Variants in SLC25A47 observed in about 807,000 individuals in gnomAD.
SLC25A47 encodes the protein solute carrier family 25 member 47, also known as HCC-down-regulated mitochondrial carrier protein.
A neutral mutation model predicts 29.8 loss-of-function variants in SLC25A47; 30 were observed. That is an observed-to-expected ratio of 1.01 (90% CI 0.75 to 1.36). The LOEUF is 1.36. Ranked by LOEUF, SLC25A47 falls within the 40% of genes most tolerant of loss-of-function variation. The pLI, the probability that SLC25A47 is intolerant of heterozygous loss-of-function variation, is 0.00. For synonymous variants in SLC25A47, 204 were observed against 197.8 expected, an observed-to-expected ratio of 1.03 and a Z score of -0.26; for missense variants, 430 against 441.9, an observed-to-expected ratio of 0.97 and a Z score of 0.24.
chr14:100,326,338 C>G (rs1400708924), intron 3 of SLC25A47, 110 bp downstream of exon 3: 2 of 944,594 alleles, frequency 2.1e-6, no homozygotes, highest in Non-Finnish European at 3.3e-6. Context: ...GCTCTCTCAC[C>G]TTCCACATGG....
At chr14:100,327,508 GAGA>G in intron 4 of SLC25A47, 138 bp downstream of exon 4, 1 of 1,017,720 alleles carries the variant, frequency 9.8e-7, no homozygotes. Flanking sequence ...GGGGCTGTGG[GAGA>G]AGAACTCGCA....
In SLC25A47 at chr14:100,323,401, G is replaced by A. The variant is rs369679310; in HGVS notation, c.-14G>A. ...AGGCAGGCAGACCCAGGGCCTCCCCGCCACACCTTGTTCATGGATTTTGTC... is the reference window on the plus strand; with the variant it reads ...AGGCAGGCAGACCCAGGGCCTCCCCACCACACCTTGTTCATGGATTTTGTC... On this transcript the variant is annotated 5_prime_UTR_variant, in exon 1 of 6. Transcript: ENST00000361529. 10 of 1,613,416 alleles carry A rather than the reference G, an allele frequency of 6.2e-6. No individual in the cohort carries two copies. Among genetic ancestry groups the A allele is most frequent in the South Asian group, 1.1e-5 (1 of 91,076 alleles).
intron 1 of SLC25A47, 27 bp downstream of exon 1, chr14:100,323,469 A>G: frequency 6.2e-7 from 1 of 1,613,176 alleles, no homozygotes; most frequent in Non-Finnish European, 8.5e-7. Context: ...TGGGCTGTGC[A>G]GACACTGCTG....
At position 100,329,782 on chromosome 14, in the gene SLC25A47, GT is replaced by G; in HGVS notation, c.*139del. 1 of 1,221,810 alleles carries G rather than the reference GT, an allele frequency of 8.2e-7. No homozygotes were observed. The highest frequency in any genetic ancestry group is 1.1e-6 in the Non-Finnish European group (1 of 888,846). 75.7% of individuals were successfully genotyped at this position (1,221,810 alleles called of 1,614,324 possible). On this transcript the variant is annotated 3_prime_UTR_variant, in exon 6 of 6. Coordinates refer to ENST00000361529, the MANE Select transcript of SLC25A47 (RefSeq NM_207117.4). ...GGAGAATGAGGAGCCTCCCTGCAGT[GT>G]TGTCGGCCGAGGCCTGAGCTCGCCC... is the stretch of plus-strand genomic sequence containing the variant.
Position 100,325,917 on chromosome 14 carries a change from C to A in SLC25A47, c.72+86C>A, listed in dbSNP as rs1893331597. On this transcript the variant is annotated intron_variant, in intron 2 of 5. Transcript: ENST00000361529. Reference sequence around the variant, plus strand: ...GACTTTTCTAGAATGCTAAACAGACCCACCCCTTTCCTACCCAAATGCCTT... The same window carrying A: ...GACTTTTCTAGAATGCTAAACAGACACACCCCTTTCCTACCCAAATGCCTT... The A allele has an allele frequency of 9.8e-6, 14 of 1,425,296 alleles. No individual in the cohort carries two copies. The South Asian group carries it at 1.5e-4, about 16-fold the overall frequency. The allele number at this position is 1,425,296 out of a possible 1,614,324, so 88.3% of individuals were successfully genotyped here.
At chr14:100,324,205 C>G (rs1044733044) in intron 1 of SLC25A47, among the ~76,000 whole-genome samples, 1 of 152,110 alleles carries the variant, frequency 6.6e-6, no homozygotes, top group Non-Finnish European at 1.5e-5. Context: ...GGCAGAGTAC[C>G]TGCCCCATTA....
At position 100,323,387 on chromosome 14, in the gene SLC25A47, C is replaced by T; in HGVS notation, c.-28C>T. ...ACCAAAGCCCTCTCAGGCAGGCAGA[C>T]CCAGGGCCTCCCCGCCACACCTTGT... is the stretch of plus-strand genomic sequence containing the variant. On this transcript the variant is annotated 5_prime_UTR_variant, in exon 1 of 6. Transcript: ENST00000361529. 1 of 1,612,650 alleles carries T rather than the reference C, an allele frequency of 6.2e-7. No homozygotes were observed. Among genetic ancestry groups the T allele is most frequent in the South Asian group, 1.1e-5 (1 of 91,062 alleles).
chr14:100,326,959 A>G (rs545926592), intron 3 of SLC25A47, among the ~76,000 whole-genome samples: 30 of 152,150 alleles, frequency 2.0e-4, no homozygotes, highest in African/African-American at 6.5e-4. Flanking sequence ...GGGCAAAAAA[A>G]AAAAGTTCAT....
At chr14:100,324,352 G>T (rs577047544) in intron 1 of SLC25A47, among the ~76,000 whole-genome samples, 8 of 152,138 alleles carry the variant, frequency 5.3e-5, no homozygotes, top group Non-Finnish European at 1.0e-4. Flanking sequence ...AGCCGCCCAA[G>T]TAGCTGGGAT....
At position 100,327,205 on chromosome 14, in the gene SLC25A47, G is replaced by A. The variant is rs757950422; in HGVS notation, c.162G>A (p.Arg54=). Residue 54 remains arginine (R), a synonymous_variant, in exon 4 of 6, where the codon CGG becomes CGA. Transcript: ENST00000361529. ...YHRERVWGFY[R]GLSLPVCTVS... The stretch of plus-strand genomic sequence containing the variant: ...TCTGCTAGGTGTGGGGCTTCTACCG[G>A]GGCCTCTCGCTGCCCGTGTGCACGG... The A allele has an allele frequency of 6.2e-7, 1 of 1,607,862 alleles. No homozygotes were observed. The highest frequency in any genetic ancestry group is 1.1e-5 in the South Asian group (1 of 90,708).
chr14:100,330,201 CG>C lies in SLC25A47; in HGVS notation c.*559del, dbSNP rs934117484. ...GCAGGCTGCTCAGAGGGGGTGCTGC[CG>C]GGACTGCCATGCCCACCTGAGAGGG... On this transcript the variant is annotated 3_prime_UTR_variant, in exon 6 of 6. Transcript: ENST00000361529. 1.9e-5 allele frequency: 3 copies of C among 156,314 alleles called. No homozygotes were observed. Among genetic ancestry groups the C allele is most frequent in the African/African-American group, 7.2e-5 (3 of 41,490 alleles). 9.7% of individuals were successfully genotyped at this position (156,314 alleles called of 1,614,324 possible).
rs1893420365 is a variant in SLC25A47, at chr14:100,329,917, T to G, written c.*272T>G. On this transcript the variant is annotated 3_prime_UTR_variant, in exon 6 of 6. Transcript: ENST00000361529. Reference sequence around the variant, plus strand: ...GGCCTCTTTGATGAGAGCGTTGAGTTGCATGGAGTCGGTTGTTCATCCCAG... The same window carrying G: ...GGCCTCTTTGATGAGAGCGTTGAGTGGCATGGAGTCGGTTGTTCATCCCAG... 3 of 517,170 alleles carry G rather than the reference T, an allele frequency of 5.8e-6. No homozygotes were observed. The East Asian group carries it at 1.0e-4, about 17-fold the overall frequency. 32.0% of individuals were successfully genotyped at this position (517,170 alleles called of 1,614,324 possible).
At chr14:100,323,479 G>T in intron 1 of SLC25A47, 37 bp downstream of exon 1, 1 of 1,610,572 alleles carries the variant, frequency 6.2e-7, no homozygotes. Flanking sequence ...AGACACTGCT[G>T]CTCCTGGGGG....
Position 100,327,253 on chromosome 14 carries a change from T to C in SLC25A47, c.210T>C (p.Ser70=). The C allele has an allele frequency of 6.2e-7, 1 of 1,608,900 alleles. No individual in the cohort carries two copies. The highest frequency in any genetic ancestry group is 8.5e-7 in the Non-Finnish European group (1 of 1,179,946). Residue 70 remains serine (S), a synonymous_variant, in exon 4 of 6, where the codon TCT becomes TCC. Transcript: ENST00000361529. The part of the protein sequence containing the change: ...VCTVSLVSSV[S]FGTYRHCLAH... Reference sequence around the variant, plus strand: ...CGGTGTCCCTGGTATCTTCCGTGTCTTTTGGCACCTACCGCCACTGCCTGG... The same window carrying C: ...CGGTGTCCCTGGTATCTTCCGTGTCCTTTGGCACCTACCGCCACTGCCTGG...
At chr14:100,329,296 G>T in intron 5 of SLC25A47, 69 bp from the exon 6 acceptor site, 2 of 1,511,860 alleles carry the variant, frequency 1.3e-6, no homozygotes, top group Non-Finnish European at 1.8e-6. Context: ...CCGGAAGCGT[G>T]AGTCCAGGGT....
intron 4 of SLC25A47, 143 bp from the exon 5 acceptor site, chr14:100,328,583 C>A: frequency 1.2e-6 from 1 of 805,016 alleles, no homozygotes; most frequent in Non-Finnish European, 2.0e-6. Context: ...GGCCCCGTGG[C>A]CCCCCAGCCC....
At chr14:100,329,132 TG>T in intron 5 of SLC25A47, 88 bp downstream of exon 5, 1 of 1,452,182 alleles carries the variant, frequency 6.9e-7, no homozygotes, top group South Asian at 1.2e-5. Context: ...AGTACCCGAG[TG>T]GGGGCTTGAA....
In SLC25A47 at chr14:100,327,216, T is replaced by C. The variant is rs201765845; in HGVS notation, c.173T>C (p.Leu58Pro). The C allele has an allele frequency of 1.6e-4, 255 of 1,609,312 alleles. No individual in the cohort carries two copies. The highest frequency in any genetic ancestry group is 2.1e-4 in the Non-Finnish European group (244 of 1,179,386). The change falls in exon 4 of 6, where the codon CTG becomes CCG. Residue 58 changes from leucine to proline, a missense_variant. By Grantham distance (98) the Leu-to-Pro change is moderately conservative (BLOSUM62 -3). Coordinates refer to ENST00000361529, the MANE Select transcript of SLC25A47 (RefSeq NM_207117.4). ...RVWGFYRGLS[L>P]PVCTVSLVSS... ...TGGGGCTTCTACCGGGGCCTCTCGC[T>C]GCCCGTGTGCACGGTGTCCCTGGTA...
intron 1 of SLC25A47, among the ~76,000 whole-genome samples, 194 bp downstream of exon 1, chr14:100,323,636 G>A (rs904397586): frequency 3.9e-5 from 6 of 152,132 alleles, no homozygotes; most frequent in African/African-American, 1.4e-4. Context: ...CTGGGGGGCT[G>A]CACTGGCCTG....
Sources: gnomAD v4.1 joint callset for allele counts (sites outside exome capture counted in the v4.1 genomes callset) on GRCh38, gnomAD v4.1.1 for gene constraint, MANE v1.5 for transcripts, NCBI Gene and HGNC (gene_info 2026-07-23, HGNC 2026-07-21) for gene names.